MEIKIN: variants seen among roughly 807,000 people sequenced by gnomAD.
MEIKIN encodes meiotic kinetochore factor.
At chr5:131,832,639 A>G (rs970398933) in intron 11 of MEIKIN, among the ~76,000 whole-genome samples, 1 of 152,190 alleles carries the variant, frequency 6.6e-6, no homozygotes, top group African/African-American at 2.4e-5. Context: ...CCGCCCTTGC[A>G]GCAAAATTCT....
At chr5:131,926,334 A>C (rs1051811407) in intron 5 of MEIKIN, among the ~76,000 whole-genome samples, 1 of 152,132 alleles carries the variant, frequency 6.6e-6, no homozygotes, top group Non-Finnish European at 1.5e-5. Flanking sequence ...GTAGTGTATC[A>C]CTTTAGTTGA....
chr5:131,838,115 A>G (rs566622415), intron 11 of MEIKIN, among the ~76,000 whole-genome samples: 1 of 152,322 alleles, frequency 6.6e-6, no homozygotes, highest in South Asian at 2.1e-4. Flanking sequence ...TGAGATAATA[A>G]CATGGCTTTT....
At chr5:131,872,712 T>G in intron 9 of MEIKIN, among the ~76,000 whole-genome samples, 1 of 151,722 alleles carries the variant, frequency 6.6e-6, no homozygotes, top group Non-Finnish European at 1.5e-5. Context: ...TCACCAAGGG[T>G]GAAATGAAGG....
At chr5:131,866,663 G>T (rs964373652) in intron 9 of MEIKIN, among the ~76,000 whole-genome samples, 1 of 152,204 alleles carries the variant, frequency 6.6e-6, no homozygotes, top group African/African-American at 2.4e-5. Context: ...GAATAGGATT[G>T]CTGTCTGTGG....
Position 131,941,142 on chromosome 5 carries a change from C to CTTTTTTTTT in MEIKIN, c.349+1484_349+1492dup, listed in dbSNP as rs397999274. Among the ~76,000 whole-genome samples, 83 of 59,702 alleles carry CTTTTTTTTT rather than the reference C, an allele frequency of 1.4e-3. 10 individuals are homozygous for CTTTTTTTTT. The highest frequency in any genetic ancestry group is 3.8e-3 in the African/African-American group (50 of 13,106). The allele number at this position is 59,702 out of a possible 152,430, so 39.2% of individuals were successfully genotyped here. On this transcript the variant is annotated intron_variant, in intron 4 of 12. Coordinates refer to ENST00000442687, the MANE Select transcript of MEIKIN (RefSeq NM_001303622.2). Reference sequence around the variant, plus strand: ...TTGACAATTCCTTCAAGATCTCTTCCTTTTTTTTTTTTTTTTTTTTTTTTT... The same window carrying CTTTTTTTTT: ...TTGACAATTCCTTCAAGATCTCTTCCTTTTTTTTTTTTTTTTTTTTTTTTTTTTTTTTTT...
At chr5:131,881,063 G>T (rs1445141343) in intron 8 of MEIKIN, among the ~76,000 whole-genome samples, 1 of 152,100 alleles carries the variant, frequency 6.6e-6, no homozygotes, top group Admixed American at 6.6e-5. Flanking sequence ...GCAACAGGTG[G>T]GTTTGAGAGC....
intron 8 of MEIKIN, among the ~76,000 whole-genome samples, chr5:131,895,326 CAGGGA>C (rs1751018496): frequency 1.3e-5 from 2 of 152,212 alleles, no homozygotes; most frequent in African/African-American, 4.8e-5. Flanking sequence ...CGATGTTCAT[CAGGGA>C]TATTGGTCTA....
intron 9 of MEIKIN, among the ~76,000 whole-genome samples, chr5:131,865,147 G>A (rs998087215): frequency 6.7e-6 from 1 of 149,152 alleles, no homozygotes. Flanking sequence ...TCTTTGTATT[G>A]TTTTTTGGAA....
intron 11 of MEIKIN, among the ~76,000 whole-genome samples, chr5:131,825,023 G>GA (rs1021852453): frequency 6.0e-4 from 90 of 149,366 alleles, no homozygotes; most frequent in Middle Eastern, 3.5e-3. Context: ...TCATTTTACT[G>GA]AAAAAAAAAG....
At chr5:131,813,834 A>G (rs1773050281) in intron 12 of MEIKIN, among the ~76,000 whole-genome samples, 1 of 152,152 alleles carries the variant, frequency 6.6e-6, no homozygotes, top group African/African-American at 2.4e-5. Flanking sequence ...GAACTAATAC[A>G]ATATATATAC....
At chr5:131,942,381 TAATTTCTC>T (rs1308908500) in intron 4 of MEIKIN, among the ~76,000 whole-genome samples, 2 of 152,264 alleles carry the variant, frequency 1.3e-5, no homozygotes, top group East Asian at 3.8e-4. Flanking sequence ...AAGTCTTCCC[TAATTTCTC>T]TAGGTAAACT....
chr5:131,917,732 G>A (rs1483795450), intron 6 of MEIKIN, among the ~76,000 whole-genome samples: 1 of 152,098 alleles, frequency 6.6e-6, no homozygotes, highest in Non-Finnish European at 1.5e-5. Flanking sequence ...AGAACCATGG[G>A]TATAGTTGTC....
At chr5:131,935,462 T>G (rs928970166) in intron 4 of MEIKIN, among the ~76,000 whole-genome samples, 3 of 152,102 alleles carry the variant, frequency 2.0e-5, no homozygotes, top group African/African-American at 7.2e-5. Context: ...TAAATGATGG[T>G]GACAGAACAT....
chr5:131,810,238 T>C (rs189053915), intron 12 of MEIKIN, among the ~76,000 whole-genome samples: 1 of 152,330 alleles, frequency 6.6e-6, no homozygotes, highest in East Asian at 1.9e-4. Flanking sequence ...AACATATGCA[T>C]CCAGTTAAAG....
intron 9 of MEIKIN, among the ~76,000 whole-genome samples, chr5:131,875,438 G>A (rs915776996): frequency 1.3e-5 from 2 of 151,958 alleles, no homozygotes; most frequent in Non-Finnish European, 2.9e-5. Context: ...AACTTACAAG[G>A]GACGTGAAGG....
intron 8 of MEIKIN, among the ~76,000 whole-genome samples, chr5:131,890,300 G>A (rs999588604): frequency 6.6e-5 from 10 of 152,142 alleles, no homozygotes; most frequent in Non-Finnish European, 1.0e-4. Context: ...TGTACCTCTG[G>A]TAGAATTCAG....
intron 7 of MEIKIN, among the ~76,000 whole-genome samples, 153 bp downstream of exon 7, chr5:131,916,733 T>A (rs541788243): frequency 6.6e-5 from 10 of 152,328 alleles, no homozygotes; most frequent in Non-Finnish European, 1.3e-4. Flanking sequence ...CACTACTATA[T>A]CTCTAGCAAT....
intron 11 of MEIKIN, 87 bp from the exon 12 acceptor site, chr5:131,818,950 T>C (rs1749422911): frequency 2.6e-6 from 1 of 388,928 alleles, no homozygotes; most frequent in East Asian, 3.6e-5. Context: ...CTAGTCTTAA[T>C]ATCTGTATTT....
chr5:131,892,543 T>C (rs527363121), intron 8 of MEIKIN, among the ~76,000 whole-genome samples: 3 of 152,210 alleles, frequency 2.0e-5, no homozygotes, highest in Non-Finnish European at 2.9e-5. Flanking sequence ...ACGTAGTTCT[T>C]GTGCCGTGGT....
Sources: allele counts gnomAD v4.1 joint callset (sites outside exome capture counted in the v4.1 genomes callset), GRCh38; gene constraint gnomAD v4.1.1; transcripts MANE v1.5; gene names NCBI Gene and HGNC (gene_info 2026-07-23, HGNC 2026-07-21).